RNF126: variants seen among roughly 807,000 people sequenced by gnomAD.
RNF126 encodes E3 ubiquitin-protein ligase RNF126.
In RNF126, 20 loss-of-function variants were observed where a neutral mutation model predicts 41.9. The ratio of observed to expected loss-of-function variants is 0.48; its 90% CI spans 0.34 to 0.69. RNF126 has a LOEUF of 0.69. Ranked by LOEUF, RNF126 falls within the 30% of genes least tolerant of loss-of-function variation. The probability of loss-of-function intolerance (pLI) is 0.01; values close to 1 mark genes in which losing one functional copy is unlikely to be tolerated. For missense variants in RNF126, 433 were observed against 460.6 expected (o/e 0.94, Z 0.55); for synonymous variants, 239 against 202.9 (o/e 1.18, Z -1.51).
intron 1 of RNF126, among the ~76,000 whole-genome samples, chr19:660,083 G>A (rs1218982856): frequency 1.3e-5 from 2 of 152,210 alleles, no homozygotes; most frequent in Non-Finnish European, 2.9e-5. Context: ...GCCTTTCATG[G>A]GGGCAACTGC....
At chr19:661,677 C>T (rs921662371) in intron 1 of RNF126, among the ~76,000 whole-genome samples, 3 of 152,218 alleles carry the variant, frequency 2.0e-5, no homozygotes, top group Admixed American at 2.0e-4. Flanking sequence ...CTCCTGACTC[C>T]CTCCAGCCCC....
intron 2 of RNF126, 44 bp downstream of exon 2, chr19:652,782 G>A: frequency 6.3e-7 from 1 of 1,579,340 alleles, no homozygotes; most frequent in Non-Finnish European, 8.7e-7. Context: ...AACAGCTGAG[G>A]CCCGGCTGGC....
At chr19:660,499 G>A (rs942138088) in intron 1 of RNF126, among the ~76,000 whole-genome samples, 1 of 152,226 alleles carries the variant, frequency 6.6e-6, no homozygotes, top group Non-Finnish European at 1.5e-5. Flanking sequence ...TGACTCAGCC[G>A]CCGGGCAAGC....
intron 1 of RNF126, among the ~76,000 whole-genome samples, chr19:655,704 C>A (rs983694990): frequency 1.3e-5 from 2 of 152,134 alleles, no homozygotes; most frequent in Non-Finnish European, 2.9e-5. Flanking sequence ...GGCGCAGACC[C>A]CAGAGAAACG....
At chr19:658,340 T>C (rs2030650305) in intron 1 of RNF126, among the ~76,000 whole-genome samples, 1 of 151,694 alleles carries the variant, frequency 6.6e-6, no homozygotes. Flanking sequence ...GCTGGCGACC[T>C]ACAGGCCCCA....
At position 652,756 on chromosome 19, in the gene RNF126, C is replaced by G; in HGVS notation, c.134+70G>C. 4.8e-6 allele frequency: 7 copies of G among 1,450,794 alleles called. No homozygotes were observed. The South Asian group carries it at 5.8e-5, about 12-fold the overall frequency. The allele number at this position is 1,450,794 out of a possible 1,614,324, so 89.9% of individuals were successfully genotyped here. A position where few individuals can be genotyped will look rare whatever the true frequency, so the allele number is the denominator to read the frequency against. ...ACACTCGGCGGGGCGGACGCCAGCA[C>G]AGCCCACACCCCTACAACAGCTGAG... is the stretch of plus-strand genomic sequence containing the variant. On this transcript the variant is annotated intron_variant, in intron 2 of 8. Transcript: ENST00000292363.
intron 6 of RNF126, 113 bp downstream of exon 6, chr19:649,566 G>A (rs996166324): frequency 1.9e-5 from 15 of 803,656 alleles, no homozygotes; most frequent in African/African-American, 8.6e-5. Context: ...GGCTGTGCCC[G>A]CATCCCCTTT....
chr19:648,096 G>A lies in RNF126; in HGVS notation c.*32C>T, dbSNP rs758764497. The A allele has an allele frequency of 5.9e-6, 9 of 1,530,972 alleles. No homozygotes were observed. The African/African-American group carries it at 8.2e-5, about 14-fold the overall frequency. The allele number at this position is 1,530,972 out of a possible 1,614,324, so 94.8% of individuals were successfully genotyped here. A position where few individuals can be genotyped will look rare whatever the true frequency, so the allele number is the denominator to read the frequency against. ...GCGCTGGCTGAGGGTGGGTGGGAAA[G>A]GCCCCGTGCTTTCCCGACGGCCGAC... On this transcript the variant is annotated 3_prime_UTR_variant, in exon 9 of 9. Coordinates refer to ENST00000292363, the MANE Select transcript of RNF126 (RefSeq NM_194460.3).
At chr19:654,081 G>A (rs1200841182) in intron 1 of RNF126, among the ~76,000 whole-genome samples, 1 of 152,238 alleles carries the variant, frequency 6.6e-6, no homozygotes, top group Admixed American at 6.5e-5. Context: ...GCGGGGGTCT[G>A]GCGTGCAGTG....
At chr19:649,839 T>G (rs940887357) in intron 5 of RNF126, 91 bp from the exon 6 acceptor site, 4 of 1,009,442 alleles carry the variant, frequency 4.0e-6, no homozygotes, top group Admixed American at 4.0e-5. Context: ...AGGCTGGGGA[T>G]GGGGACAGGC....
chr19:654,515 C>CAT, intron 1 of RNF126, among the ~76,000 whole-genome samples: 1 of 149,442 alleles, frequency 6.7e-6, no homozygotes, highest in Non-Finnish European at 1.5e-5. Context: ...TGGTGGCGGG[C>CAT]GCCTGTAATC....
At chr19:660,306 G>T (rs183405749) in intron 1 of RNF126, among the ~76,000 whole-genome samples, 1 of 152,368 alleles carries the variant, frequency 6.6e-6, no homozygotes, top group Admixed American at 6.5e-5. Flanking sequence ...ACCCAGCTGC[G>T]CGGGGCCTCA....
At chr19:648,780 C>G in intron 7 of RNF126, 102 bp downstream of exon 7, 1 of 774,436 alleles carries the variant, frequency 1.3e-6, no homozygotes, top group Admixed American at 3.0e-5. Flanking sequence ...ACCTGCCTGA[C>G]CAACATGGTG....
In RNF126 at chr19:659,820, G is replaced by A. The variant is rs2030719328; in HGVS notation, c.75+3227C>T. On this transcript the variant is annotated intron_variant, in intron 1 of 8. Coordinates refer to ENST00000292363, the MANE Select transcript of RNF126 (RefSeq NM_194460.3). The surrounding 1 kb of genome is among the most constrained non-coding windows in gnomAD (Gnocchi z 4.9). ...GCTCTGTCACCCAGGCTGGACTGCA[G>A]TGGCACAATCTCGGCTCACTGCAAC... 6.7e-6 allele frequency among the ~76,000 whole-genome samples: 1 copy of A among 150,086 alleles called. No individual in the cohort carries two copies. The highest frequency in any genetic ancestry group is 1.5e-5 in the Non-Finnish European group (1 of 67,772).
At chr19:657,138 C>A (rs928545782) in intron 1 of RNF126, among the ~76,000 whole-genome samples, 5 of 152,208 alleles carry the variant, frequency 3.3e-5, no homozygotes, top group African/African-American at 4.8e-5. Context: ...TCCACAAGGT[C>A]AGGCAGCCCC....
In RNF126 at chr19:648,356, T is replaced by TGGGGGGG; in HGVS notation, c.786+15_786+16insCCCCCCC. The TGGGGGGG allele has an allele frequency of 1.7e-5, 3 of 174,878 alleles. No individual in the cohort carries two copies. The highest frequency in any genetic ancestry group is 1.1e-4 in the South Asian group (2 of 18,204). The allele number at this position is 174,878 out of a possible 1,614,324, so 10.8% of individuals were successfully genotyped here. A position where few individuals can be genotyped will look rare whatever the true frequency, so the allele number is the denominator to read the frequency against. The stretch of plus-strand genomic sequence containing the variant: ...GCCGCGGTCGGGGTGGGGGGGCGGG[T>TGGGGGGG]GGGCGGGGCACTCACCTGCTCCAGC... On this transcript the variant is annotated intron_variant, in intron 8 of 8. Transcript: ENST00000292363.
intron 1 of RNF126, among the ~76,000 whole-genome samples, chr19:656,692 G>A (rs2030574591): frequency 1.3e-5 from 2 of 152,138 alleles, no homozygotes; most frequent in African/African-American, 2.4e-5. Flanking sequence ...AGCAGCCAAC[G>A]ACCACCACTG....
chr19:655,799 G>C (rs2144769268), intron 1 of RNF126, among the ~76,000 whole-genome samples: 1 of 152,292 alleles, frequency 6.6e-6, no homozygotes, highest in East Asian at 1.9e-4. Context: ...GTCGTCGGCA[G>C]ATGCAAACAG....
chr19:648,525 G>A (rs1370690735), intron 7 of RNF126, 38 bp from the exon 8 acceptor site: 3 of 1,493,612 alleles, frequency 2.0e-6, no homozygotes, highest in South Asian at 1.2e-5. Flanking sequence ...GCGGGCGTGG[G>A]GGGCCTGCCG....
Sources: gnomAD v4.1 joint callset for allele counts (sites outside exome capture counted in the v4.1 genomes callset) on GRCh38, gnomAD v4.1.1 for gene constraint, Gnocchi (gnomAD v3.1) non-coding constraint, MANE v1.5 for transcripts, NCBI Gene and HGNC (gene_info 2026-07-23, HGNC 2026-07-21) for gene names.